The following GPM6A variants were observed in gnomAD, a reference collection of about 807,000 sequenced individuals.
GPM6A encodes neuronal membrane glycoprotein M6-a.
Under a neutral mutation model 32.1 loss-of-function variants are expected in GPM6A, and 7 were observed. That is an observed-to-expected ratio of 0.22 (90% CI 0.12 to 0.41). The LOEUF (loss-of-function observed/expected upper bound fraction) is 0.41. Ranked by LOEUF, GPM6A falls within the 10% of genes least tolerant of loss-of-function variation. The pLI, the probability that GPM6A is intolerant of heterozygous loss-of-function variation, is 1.00. For synonymous variants in GPM6A, 130 were observed against 123.4 expected (o/e 1.05, Z -0.35); for missense variants, 235 against 347.2 (o/e 0.68, Z 2.57).
intron 1 of GPM6A, among the ~76,000 whole-genome samples, chr4:175,927,647 G>A (rs1304121351): frequency 6.6e-6 from 1 of 152,254 alleles, no homozygotes; most frequent in Non-Finnish European, 1.5e-5. Flanking sequence ...CACTTTGGGA[G>A]GCCGTGGTGG....
rs544889132 is a variant in GPM6A at position 175,671,477 on chromosome 4, G to GAAAAAAAAAAAAAAAA, written c.387+2187_387+2202dup. Among the ~76,000 whole-genome samples, 18 of 24,408 alleles carry GAAAAAAAAAAAAAAAA rather than the reference G, an allele frequency of 7.4e-4. 4 individuals are homozygous for GAAAAAAAAAAAAAAAA. Among genetic ancestry groups the GAAAAAAAAAAAAAAAA allele is most frequent in the Admixed American group, 1.7e-3 (2 of 1,156 alleles). The allele number at this position is 24,408 out of a possible 152,430, so 16.0% of individuals were successfully genotyped here. On this transcript the variant is annotated intron_variant, in intron 3 of 6. Coordinates refer to ENST00000393658, the MANE Select transcript of GPM6A (RefSeq NM_201591.3). The stretch of plus-strand genomic sequence containing the variant: ...CGTAAGATACAATCTGCCTACAAAC[G>GAAAAAAAAAAAAAAAA]AAAAAAAAAAAAAAAAAAAAAAAAA...
At chr4:175,997,820 C>T (rs1391359384) in intron 1 of GPM6A, among the ~76,000 whole-genome samples, 1 of 152,086 alleles carries the variant, frequency 6.6e-6, no homozygotes, top group Non-Finnish European at 1.5e-5. Context: ...ATATTTTTCT[C>T]TTGTCAAAAT....
intron 1 of GPM6A, among the ~76,000 whole-genome samples, chr4:175,927,137 C>T (rs1215631559): frequency 6.6e-6 from 1 of 152,176 alleles, no homozygotes; most frequent in East Asian, 1.9e-4. Flanking sequence ...TCATAGAGTG[C>T]ACAAAAAGTT....
chr4:175,974,283 C>T (rs1053407361), intron 1 of GPM6A, among the ~76,000 whole-genome samples: 2 of 152,000 alleles, frequency 1.3e-5, no homozygotes, highest in Admixed American at 1.3e-4. Flanking sequence ...TATGGTAGAT[C>T]CTTTGTTCTG....
intron 1 of GPM6A, among the ~76,000 whole-genome samples, chr4:175,883,038 TAA>T (rs1737332229): frequency 6.6e-6 from 1 of 152,050 alleles, no homozygotes; most frequent in African/African-American, 2.4e-5. Context: ...TTAGACACAC[TAA>T]AGTACAATGG....
chr4:175,970,492 T>C (rs1358171680), intron 1 of GPM6A, among the ~76,000 whole-genome samples: 1 of 152,228 alleles, frequency 6.6e-6, no homozygotes, highest in East Asian at 1.9e-4. Context: ...AACATATGTA[T>C]TTACTGACAA....
intron 1 of GPM6A, among the ~76,000 whole-genome samples, chr4:175,826,317 C>A (rs1735436895): frequency 6.8e-6 from 1 of 146,060 alleles, no homozygotes; most frequent in Non-Finnish European, 1.5e-5. Flanking sequence ...CCCTCCTCCC[C>A]TGCTCAGTGG....
intron 1 of GPM6A, among the ~76,000 whole-genome samples, chr4:175,999,091 C>A (rs1399860315): frequency 1.3e-5 from 2 of 152,172 alleles, no homozygotes; most frequent in Non-Finnish European, 2.9e-5. Context: ...TCCCATTAAA[C>A]TTTTCATAAT....
intron 1 of GPM6A, among the ~76,000 whole-genome samples, chr4:175,729,572 A>G (rs1044637088): frequency 6.6e-6 from 1 of 152,084 alleles, no homozygotes; most frequent in African/African-American, 2.4e-5. Context: ...TTCATTGTTC[A>G]TTTAAAAATA....
At chr4:175,695,650 C>T (rs897106359) in intron 2 of GPM6A, among the ~76,000 whole-genome samples, 5 of 152,176 alleles carry the variant, frequency 3.3e-5, no homozygotes, top group Non-Finnish European at 7.4e-5. Flanking sequence ...ATTTTATAGG[C>T]TCATAGGTGA....
intron 1 of GPM6A, among the ~76,000 whole-genome samples, chr4:176,001,321 C>G (rs967055144): frequency 7.2e-5 from 11 of 152,198 alleles, no homozygotes; most frequent in African/African-American, 2.2e-4. Flanking sequence ...GGAAGAGTAA[C>G]TCGGGCTGCG....
intron 1 of GPM6A, among the ~76,000 whole-genome samples, chr4:175,863,495 GT>G (rs79675826): frequency 2.7e-5 from 4 of 150,554 alleles, no homozygotes; most frequent in African/African-American, 9.8e-5. Flanking sequence ...AATGGACTTT[GT>G]TTTTTTTTAG....
chr4:175,716,531 C>G (rs1175433421), intron 1 of GPM6A, among the ~76,000 whole-genome samples: 1 of 151,234 alleles, frequency 6.6e-6, no homozygotes, highest in Non-Finnish European at 1.5e-5. Flanking sequence ...AAGTAACTGG[C>G]AAACTTGGAC....
intron 1 of GPM6A, among the ~76,000 whole-genome samples, chr4:175,713,021 A>G (rs1444857966): frequency 6.6e-6 from 1 of 152,170 alleles, no homozygotes; most frequent in Admixed American, 6.5e-5. Flanking sequence ...GGAGTTCAAA[A>G]TTATCCAAAG....
chr4:175,978,466 T>C (rs1042965810), intron 1 of GPM6A, among the ~76,000 whole-genome samples: 9 of 152,284 alleles, frequency 5.9e-5, no homozygotes, highest in Admixed American at 6.5e-5. Context: ...TTTAGTATTT[T>C]CTTTTAGAGT....
intron 2 of GPM6A, among the ~76,000 whole-genome samples, chr4:175,696,861 C>G (rs958759997): frequency 3.3e-5 from 5 of 152,246 alleles, no homozygotes; most frequent in African/African-American, 1.2e-4. Context: ...TAAACGTAAA[C>G]TACAAGCAAA....
chr4:175,933,404 A>G (rs190110080), intron 1 of GPM6A, among the ~76,000 whole-genome samples: 90 of 152,336 alleles, frequency 5.9e-4, no homozygotes, highest in African/African-American at 2.1e-3. Context: ...TTGAGGATGT[A>G]CAATGATACA....
At chr4:175,659,639 C>G (rs1742287294) in intron 3 of GPM6A, among the ~76,000 whole-genome samples, 1 of 152,172 alleles carries the variant, frequency 6.6e-6, no homozygotes, top group African/African-American at 2.4e-5. Context: ...GAAAGGCAAG[C>G]ACACTCTTGA....
intron 1 of GPM6A, among the ~76,000 whole-genome samples, chr4:175,828,840 TATTTAC>T (rs1214308974): frequency 2.7e-5 from 4 of 150,712 alleles, no homozygotes; most frequent in African/African-American, 1.0e-4. Context: ...ATATAAAATA[TATTTAC>T]ATAAATAGAA....
Sources: gnomAD v4.1 joint callset for allele counts (sites outside exome capture counted in the v4.1 genomes callset) on GRCh38, gnomAD v4.1.1 for gene constraint, MANE v1.5 for transcripts, NCBI Gene and HGNC (gene_info 2026-07-23, HGNC 2026-07-21) for gene names.